Variants in JAZF1 observed in about 807,000 individuals in gnomAD.
JAZF1 encodes JAZF zinc finger 1.
JAZF1 carries 8 observed loss-of-function variants against 26.4 expected under a neutral mutation model. That is an observed-to-expected ratio of 0.30 (90% CI 0.18 to 0.55). The LOEUF (loss-of-function observed/expected upper bound fraction) is 0.55, where lower values mean the gene tolerates loss of function less well. JAZF1 is among the 20% of genes least tolerant of loss of function. JAZF1 has a pLI of 0.94. For missense variants in JAZF1, 199 were observed against 322.0 expected, an observed-to-expected ratio of 0.62 and a Z score of 2.92; for synonymous variants, 126 against 122.3, an observed-to-expected ratio of 1.03 and a Z score of -0.20.
chr7:27,887,463 T>A (rs1032295197), intron 3 of JAZF1, among the ~76,000 whole-genome samples: 1 of 152,174 alleles, frequency 6.6e-6, no homozygotes, highest in African/African-American at 2.4e-5. Flanking sequence ...TTACCCAGCC[T>A]GGAGTGCAGT....
intron 1 of JAZF1, among the ~76,000 whole-genome samples, chr7:28,065,992 A>C (rs895418731): frequency 1.3e-5 from 2 of 152,192 alleles, no homozygotes; most frequent in East Asian, 3.9e-4. Flanking sequence ...AGCACAGTTA[A>C]ATGTTCACGA....
At chr7:28,147,097 C>A (rs1026220618) in intron 1 of JAZF1, among the ~76,000 whole-genome samples, 8 of 152,012 alleles carry the variant, frequency 5.3e-5, no homozygotes, top group Non-Finnish European at 1.0e-4. Context: ...CCTCACACCT[C>A]GGCCTCCCAA....
At position 27,840,833 on chromosome 7, in the gene JAZF1, C is replaced by G; in HGVS notation, c.420G>C (p.Glu140Asp). 1 of 1,614,188 alleles carries G rather than the reference C, an allele frequency of 6.2e-7. No individual in the cohort carries two copies. ...TCCAGGACTCATCGCTGTCCGACTC[C>G]TCATAGTCCACCTCCTCCTCGTCAT... ...SEYDEEEVDY[E>D]ESDSDESWTT... The change falls in exon 4 of 5, where the codon GAG becomes GAC. Residue 140 changes from glutamate to aspartate, a missense_variant. By Grantham distance (45) the Glu-to-Asp change is conservative. Coordinates refer to ENST00000283928, the MANE Select transcript of JAZF1 (RefSeq NM_175061.4). The surrounding 1 kb of genome is among the most constrained non-coding windows in gnomAD (Gnocchi z 5.1).
At chr7:28,005,933 GT>G (rs1001520171) in intron 1 of JAZF1, among the ~76,000 whole-genome samples, 8 of 151,230 alleles carry the variant, frequency 5.3e-5, no homozygotes, top group Non-Finnish European at 1.0e-4. Flanking sequence ...TAAGATGGTA[GT>G]TACTGACAGT....
chr7:27,941,931 C>T (rs1440301271), intron 2 of JAZF1, among the ~76,000 whole-genome samples: 2 of 152,192 alleles, frequency 1.3e-5, no homozygotes, highest in African/African-American at 2.4e-5. Flanking sequence ...CATATTTCTA[C>T]AGTTTTTCCG....
At chr7:27,943,248 A>G (rs1784876197) in intron 2 of JAZF1, among the ~76,000 whole-genome samples, 1 of 152,200 alleles carries the variant, frequency 6.6e-6, no homozygotes, top group Non-Finnish European at 1.5e-5. Context: ...TGCCTGGCCT[A>G]TGCAGACAGA....
intron 3 of JAZF1, among the ~76,000 whole-genome samples, chr7:27,868,487 G>A (rs1268598251): frequency 6.6e-6 from 1 of 152,202 alleles, no homozygotes; most frequent in Non-Finnish European, 1.5e-5. Context: ...CTCTGAACAA[G>A]GCGTGGAGTT....
At chr7:28,141,250 C>T (rs1479474673) in intron 1 of JAZF1, among the ~76,000 whole-genome samples, 1 of 152,144 alleles carries the variant, frequency 6.6e-6, no homozygotes, top group Non-Finnish European at 1.5e-5. Context: ...GAACAAGCAC[C>T]TCCTACATGG....
intron 3 of JAZF1, among the ~76,000 whole-genome samples, chr7:27,859,654 G>T (rs1783340193): frequency 6.6e-6 from 1 of 151,980 alleles, no homozygotes; most frequent in African/African-American, 2.4e-5. Flanking sequence ...TCACTCATAA[G>T]TGGGAGTTGA....
chr7:28,166,473 T>G (rs1020642118), intron 1 of JAZF1, among the ~76,000 whole-genome samples: 5 of 152,216 alleles, frequency 3.3e-5, no homozygotes, highest in Non-Finnish European at 7.3e-5. Flanking sequence ...TGTTCTCGGA[T>G]TTCTTCATAA....
chr7:27,866,863 C>T (rs1204175614), intron 3 of JAZF1, among the ~76,000 whole-genome samples: 3 of 152,174 alleles, frequency 2.0e-5, no homozygotes, highest in African/African-American at 7.2e-5. Context: ...ATAAAGAAGA[C>T]ACGCTGTCTC....
chr7:28,109,944 T>C (rs906008484), intron 1 of JAZF1, among the ~76,000 whole-genome samples: 1 of 152,118 alleles, frequency 6.6e-6, no homozygotes, highest in African/African-American at 2.4e-5. Context: ...CAACGAGAAG[T>C]TGTCAGAAAA....
rs368678593 is a variant in JAZF1, at chr7:27,910,829, A to G, written c.189-15413T>C. ...GGTGACCAGGGAGCCTCTTTCACCA[A>G]GTTCGTGTATGCAAACCAAGCGGTT... On this transcript the variant is annotated intron_variant, in intron 2 of 4. Transcript: ENST00000283928. Among the ~76,000 whole-genome samples the G allele has an allele frequency of 9.8e-5, 15 of 152,286 alleles. No individual in the cohort carries two copies. In the East Asian group the frequency reaches 2.9e-3, roughly 29 times the overall value.
intron 1 of JAZF1, among the ~76,000 whole-genome samples, chr7:28,029,979 G>C (rs748639015): frequency 1.4e-4 from 22 of 152,170 alleles, no homozygotes; most frequent in Non-Finnish European, 3.2e-4. Flanking sequence ...TTCAAAATCT[G>C]AAAAATAACA....
At chr7:27,958,342 C>T (rs1406339986) in intron 2 of JAZF1, among the ~76,000 whole-genome samples, 1 of 152,154 alleles carries the variant, frequency 6.6e-6, no homozygotes, top group East Asian at 1.9e-4. Context: ...AAAGGAATGC[C>T]TTCTAAAGCA....
intron 3 of JAZF1, among the ~76,000 whole-genome samples, chr7:27,873,324 C>T (rs1280299822): frequency 1.3e-5 from 2 of 152,284 alleles, no homozygotes; most frequent in East Asian, 1.9e-4. Context: ...ATCCATATCG[C>T]TCTTCTTTGA....
At chr7:27,852,178 C>A (rs1051061663) in intron 3 of JAZF1, among the ~76,000 whole-genome samples, 6 of 150,596 alleles carry the variant, frequency 4.0e-5, no homozygotes, top group Admixed American at 1.3e-4. Flanking sequence ...GTCGCCCAGG[C>A]TGGAGTGCAG....
intron 3 of JAZF1, among the ~76,000 whole-genome samples, chr7:27,857,064 G>GA (rs1407562913): frequency 1.3e-5 from 2 of 152,254 alleles, no homozygotes; most frequent in Admixed American, 6.5e-5. Context: ...GCACTCCTCA[G>GA]CCCTTGGGTG....
chr7:28,067,226 AAC>A (rs1470378377), intron 1 of JAZF1, among the ~76,000 whole-genome samples: 6 of 152,328 alleles, frequency 3.9e-5, no homozygotes, highest in Non-Finnish European at 5.9e-5. Flanking sequence ...GAATTAAGGT[AAC>A]TATTATCCTC....
Sources: gnomAD v4.1 joint callset for allele counts (sites outside exome capture counted in the v4.1 genomes callset) on GRCh38, gnomAD v4.1.1 for gene constraint, Gnocchi (gnomAD v3.1) non-coding constraint, MANE v1.5 for transcripts, NCBI Gene and HGNC (gene_info 2026-07-23, HGNC 2026-07-21) for gene names.